The following MAGI2 variants were observed in gnomAD, a reference collection of about 807,000 sequenced individuals.
MAGI2 encodes the protein membrane associated guanylate kinase, WW and PDZ domain containing 2.
MAGI2 carries 35 observed loss-of-function variants against 133.3 expected under a neutral mutation model. The observed-to-expected ratio is 0.26, with a 90% CI of 0.20 to 0.35. The LOEUF (loss-of-function observed/expected upper bound fraction) is 0.35. MAGI2 is among the 10% of genes least tolerant of loss of function. The pLI is 1.00. For synonymous variants in MAGI2, 729 were observed against 710.6 expected (o/e 1.03, Z -0.41); for missense variants, 1,636 against 1,863.4 (o/e 0.88, Z 2.25).
intron 2 of MAGI2, among the ~76,000 whole-genome samples, chr7:78,849,435 AAAT>A (rs1186556721): frequency 3.3e-5 from 5 of 152,116 alleles, no homozygotes; most frequent in African/African-American, 1.2e-4. Flanking sequence ...TGTACTAAGC[AAAT>A]CCACTAAGTA....
intron 7 of MAGI2, among the ~76,000 whole-genome samples, chr7:78,361,465 C>T (rs1054923286): frequency 2.1e-5 from 3 of 145,562 alleles, no homozygotes; most frequent in African/African-American, 7.5e-5. Context: ...TTGCAGTTAT[C>T]TTTATTTACA....
At position 78,511,551 on chromosome 7, in the gene MAGI2, ATTTTTT is replaced by A. The variant is rs760565213; in HGVS notation, c.755-9770_755-9765del. Among the ~76,000 whole-genome samples the A allele has an allele frequency of 6.5e-4, 83 of 127,880 alleles. 1 individual carries two copies. The highest frequency in any genetic ancestry group is 2.4e-3 in the African/African-American group (79 of 32,416). 83.9% of individuals were successfully genotyped at this position (127,880 alleles called of 152,430 possible). On this transcript the variant is annotated intron_variant, in intron 4 of 21. Coordinates refer to ENST00000354212, the MANE Select transcript of MAGI2 (RefSeq NM_012301.4). Reference sequence around the variant, plus strand: ...CCATCTTTTATATATATATATATAAATTTTTTTTTTTTTTTTTTTGACACAGTGAAA... The same window carrying A: ...CCATCTTTTATATATATATATATAAATTTTTTTTTTTTTGACACAGTGAAA...
At chr7:78,410,454 C>A (rs998402115) in intron 6 of MAGI2, among the ~76,000 whole-genome samples, 9 of 151,992 alleles carry the variant, frequency 5.9e-5, no homozygotes, top group African/African-American at 2.2e-4. Flanking sequence ...GTGTTTCAAT[C>A]ATCTTTGTTT....
At chr7:79,251,419 G>C (rs1833261366) in intron 1 of MAGI2, among the ~76,000 whole-genome samples, 1 of 142,446 alleles carries the variant, frequency 7.0e-6, no homozygotes, top group South Asian at 2.3e-4. Context: ...TAAAAAATGG[G>C]CAAAAGATCT....
chr7:78,413,685 AGAAGAT>A (rs1438198901), intron 6 of MAGI2, among the ~76,000 whole-genome samples: 5 of 151,984 alleles, frequency 3.3e-5, no homozygotes, highest in Admixed American at 6.6e-5. Flanking sequence ...GAGAAGAAAA[AGAAGAT>A]GAGAGGTAGG....
intron 1 of MAGI2, among the ~76,000 whole-genome samples, chr7:79,294,799 G>A (rs1340748707): frequency 7.9e-6 from 1 of 126,900 alleles, no homozygotes; most frequent in African/African-American, 2.9e-5. Flanking sequence ...GCGCAATCTC[G>A]GCTCACTGCA....
chr7:78,166,678 C>T (rs1217082706), intron 15 of MAGI2, among the ~76,000 whole-genome samples: 1 of 152,162 alleles, frequency 6.6e-6, no homozygotes, highest in Non-Finnish European at 1.5e-5. Context: ...TAAGCCTTAT[C>T]CTCTCTACTA....
chr7:78,655,514 T>TAG (rs2151025433), intron 2 of MAGI2, among the ~76,000 whole-genome samples: 1 of 128,024 alleles, frequency 7.8e-6, no homozygotes, highest in Non-Finnish European at 1.6e-5. Context: ...TCTTACAGCA[T>TAG]AGAGAATACG....
At position 78,127,196 on chromosome 7, in the gene MAGI2, C is replaced by T; in HGVS notation, c.3423+1G>A. The T allele has an allele frequency of 6.4e-7, 1 of 1,570,380 alleles. No individual in the cohort carries two copies. The highest frequency in any genetic ancestry group is 8.6e-7 in the Non-Finnish European group (1 of 1,160,654). ...CCACCCTGCTCTCCGGGAGGAGGTA[C>T]CTGGGGTTGTCTGTAGTCCGACAGA... On this transcript the variant is annotated splice_donor_variant, in intron 19 of 21. Coordinates refer to ENST00000354212, the MANE Select transcript of MAGI2 (RefSeq NM_012301.4). LOFTEE classifies it high-confidence loss of function.
intron 1 of MAGI2, among the ~76,000 whole-genome samples, chr7:79,098,851 G>C (rs1456003160): frequency 1.3e-5 from 2 of 152,062 alleles, no homozygotes; most frequent in Non-Finnish European, 2.9e-5. Flanking sequence ...GAAAGGGGAG[G>C]GTTATTGTTC....
intron 2 of MAGI2, among the ~76,000 whole-genome samples, chr7:78,783,012 C>CTTTTTTTTTTTTTTTTTTTTTTTTTT (rs11432048): frequency 1.0e-5 from 1 of 96,232 alleles, no homozygotes; most frequent in African/African-American, 4.3e-5. Context: ...TGATTCTTAC[C>CTTTTTTTTTTTTTTTTTTTTTTTTTT]TTTTTTTTTT....
chr7:78,403,010 TA>T (rs1562948694), intron 6 of MAGI2, among the ~76,000 whole-genome samples: 1 of 152,156 alleles, frequency 6.6e-6, no homozygotes, highest in African/African-American at 2.4e-5. Context: ...ACTTTTTTTT[TA>T]AAATTATACT....
At position 78,946,231 on chromosome 7, in the gene MAGI2, C is replaced by T. The variant is rs187234651; in HGVS notation, c.418+60859G>A. Among the ~76,000 whole-genome samples the T allele has an allele frequency of 3.9e-5, 6 of 152,208 alleles. No homozygotes were observed. In the East Asian group the frequency reaches 1.2e-3, roughly 29 times the overall value. On this transcript the variant is annotated intron_variant, in intron 2 of 21. Coordinates refer to ENST00000354212, the MANE Select transcript of MAGI2 (RefSeq NM_012301.4). Reference sequence around the variant, plus strand: ...CTTTGGTTGGTTTTCAGAATGCAGACTTCAGTCTTCAGGCTTTAAGTAATC... The same window carrying T: ...CTTTGGTTGGTTTTCAGAATGCAGATTTCAGTCTTCAGGCTTTAAGTAATC...
intron 10 of MAGI2, among the ~76,000 whole-genome samples, chr7:78,221,204 T>A (rs1270456137): frequency 6.6e-6 from 1 of 152,166 alleles, no homozygotes; most frequent in Non-Finnish European, 1.5e-5. Flanking sequence ...GGTTCAACAG[T>A]CTATTTTTCC....
chr7:78,119,490 G>T (rs924590848), intron 20 of MAGI2, among the ~76,000 whole-genome samples: 2 of 149,192 alleles, frequency 1.3e-5, no homozygotes, highest in East Asian at 2.0e-4. Context: ...GAACCTGGGA[G>T]GCGGAGGTTG....
intron 18 of MAGI2, among the ~76,000 whole-genome samples, chr7:78,132,343 C>T (rs888286742): frequency 2.6e-5 from 4 of 152,204 alleles, no homozygotes; most frequent in Non-Finnish European, 5.9e-5. Flanking sequence ...CAGGGCAGAC[C>T]GAGAGGCCTT....
At chr7:78,576,695 A>T (rs1361396512) in intron 3 of MAGI2, among the ~76,000 whole-genome samples, 1 of 152,176 alleles carries the variant, frequency 6.6e-6, no homozygotes, top group Admixed American at 6.5e-5. Context: ...CCTTTTGTCC[A>T]GTCACATTTC....
At chr7:78,775,966 G>C (rs915358028) in intron 2 of MAGI2, among the ~76,000 whole-genome samples, 3 of 152,176 alleles carry the variant, frequency 2.0e-5, no homozygotes, top group Non-Finnish European at 4.4e-5. Context: ...AAAAGGCTCA[G>C]TCTTAGGAAC....
intron 1 of MAGI2, among the ~76,000 whole-genome samples, chr7:79,341,788 T>C (rs954431806): frequency 1.3e-5 from 2 of 152,326 alleles, no homozygotes; most frequent in Admixed American, 6.5e-5. Context: ...AAATCTTCAG[T>C]TGAATTTCCA....
Sources: gnomAD v4.1 joint callset for allele counts (sites outside exome capture counted in the v4.1 genomes callset) on GRCh38, gnomAD v4.1.1 for gene constraint, MANE v1.5 for transcripts, NCBI Gene and HGNC (gene_info 2026-07-23, HGNC 2026-07-21) for gene names.